Variants in ADD2 observed in about 807,000 individuals in gnomAD.
The protein encoded by ADD2 is beta-adducin.
A neutral mutation model predicts 83.0 loss-of-function variants in ADD2; 23 were observed. That is an observed-to-expected ratio of 0.28 (90% CI 0.20 to 0.39). The LOEUF is 0.39. Among genes scored for constraint, ADD2 ranks in the 10% least tolerant of loss-of-function variants. The pLI, the probability that ADD2 is intolerant of heterozygous loss-of-function variation, is 1.00. For synonymous variants in ADD2, 375 were observed against 375.4 expected (o/e 1.00, Z 0.01); for missense variants, 758 against 944.9 (o/e 0.80, Z 2.59).
chr2:70,680,943 T>C (rs1426988531), intron 10 of ADD2, among the ~76,000 whole-genome samples: 1 of 152,168 alleles, frequency 6.6e-6, no homozygotes, highest in East Asian at 1.9e-4. Context: ...CAAACTAACT[T>C]CAGGAGAAAT....
chr2:70,685,508 C>T (rs1476819565), intron 9 of ADD2, among the ~76,000 whole-genome samples: 1 of 152,218 alleles, frequency 6.6e-6, no homozygotes, highest in Non-Finnish European at 1.5e-5. Flanking sequence ...TTTAAGGGCA[C>T]AGACCTGGGC....
chr2:70,746,802 T>G (rs1674221020), intron 1 of ADD2, among the ~76,000 whole-genome samples: 1 of 152,150 alleles, frequency 6.6e-6, no homozygotes, highest in South Asian at 2.1e-4. Flanking sequence ...ACAGCCCCCA[T>G]GCCTGGCCTT....
At position 70,660,431 on chromosome 2, in the gene ADD2, GC is replaced by G. The variant is rs1294960958; in HGVS notation, c.*2993del. On this transcript the variant is annotated 3_prime_UTR_variant, in exon 16 of 16. Coordinates refer to ENST00000264436, the MANE Select transcript of ADD2 (RefSeq NM_001617.4). ...GTTTTAGTATTGACATTTCAAAAAGGCCTCATAGCTCCCATGCCACCATCCC... is the reference window on the plus strand; with the variant it reads ...GTTTTAGTATTGACATTTCAAAAAGGCTCATAGCTCCCATGCCACCATCCC... The G allele has an allele frequency of 1.3e-5, 2 of 152,330 alleles. No homozygotes were observed. The highest frequency in any genetic ancestry group is 2.9e-5 in the Non-Finnish European group (2 of 68,044). The allele number at this position is 152,330 out of a possible 1,614,324, so 9.4% of individuals were successfully genotyped here.
In ADD2 at chr2:70,663,675, G is replaced by A. The variant is rs376703374; in HGVS notation, c.1931C>T (p.Pro644Leu). Reference sequence around the variant, plus strand: ...CCTCCCGTTGACCACCACCCCTTCCGGCTGGGTTGTTTCGGGCTCTGTGGT... The same window carrying A: ...CCTCCCGTTGACCACCACCCCTTCCAGCTGGGTTGTTTCGGGCTCTGTGGT... ...AATTEPETTQ[P>L]EGVVVNGREE... Residue 644 changes from proline (P) to leucine (L), a missense_variant, in exon 16 of 16, where the codon CCG becomes CTG. Transcript: ENST00000264436. 4.9e-5 allele frequency: 79 copies of A among 1,614,074 alleles called. No homozygotes were observed. The highest frequency in any genetic ancestry group is 2.0e-4 in the Admixed American group (12 of 60,010).
chr2:70,715,846 T>A (rs1488861085), intron 1 of ADD2, among the ~76,000 whole-genome samples: 1 of 151,350 alleles, frequency 6.6e-6, no homozygotes, highest in Non-Finnish European at 1.5e-5. Context: ...ATTTAATTGG[T>A]CACTGAGGTC....
intron 1 of ADD2, among the ~76,000 whole-genome samples, chr2:70,756,878 G>C (rs1377628499): frequency 2.6e-5 from 4 of 152,168 alleles, no homozygotes; most frequent in African/African-American, 4.8e-5. Context: ...GCCCAGGCTG[G>C]AGTGCAATGG....
intron 11 of ADD2, 94 bp from the exon 12 acceptor site, chr2:70,677,971 G>A: frequency 6.5e-7 from 1 of 1,530,140 alleles, no homozygotes; most frequent in Non-Finnish European, 8.9e-7. Context: ...CCAACATCCT[G>A]CATGGAAGGT....
intron 4 of ADD2, 58 bp downstream of exon 4, chr2:70,704,263 T>TGCCCCCCCCCCCCACCCCCCC: frequency 1.1e-6 from 1 of 913,238 alleles, no homozygotes; most frequent in Non-Finnish European, 1.7e-6. Flanking sequence ...CTCCCTCTCT[T>TGCCCCCCCCCCCCACCCCCCC]CCCCACCCCA....
At chr2:70,666,155 G>A (rs1306456195) in intron 15 of ADD2, among the ~76,000 whole-genome samples, 2 of 152,186 alleles carry the variant, frequency 1.3e-5, no homozygotes, top group Non-Finnish European at 2.9e-5. Context: ...CTTCTACACT[G>A]AAATGAATTA....
intron 1 of ADD2, among the ~76,000 whole-genome samples, chr2:70,756,404 C>A (rs1553383864): frequency 6.6e-6 from 1 of 152,166 alleles, no homozygotes; most frequent in African/African-American, 2.4e-5. Flanking sequence ...CCCCAGATAA[C>A]AATTCATGTG....
At chr2:70,684,343 G>C (rs781933255) in intron 9 of ADD2, among the ~76,000 whole-genome samples, 1 of 152,132 alleles carries the variant, frequency 6.6e-6, no homozygotes, top group Non-Finnish European at 1.5e-5. Context: ...AACCTCCCAG[G>C]CTTCAGCTAT....
chr2:70,747,485 TCCATCATGCGTGTGCTCTC>T (rs1674277358), intron 1 of ADD2, among the ~76,000 whole-genome samples: 3 of 146,314 alleles, frequency 2.1e-5, no homozygotes, highest in African/African-American at 7.9e-5. Flanking sequence ...CATGTGCTTT[TCCATCATGCGTGTGCTCTC>T]CCATCATGCC....
intron 2 of ADD2, among the ~76,000 whole-genome samples, chr2:70,711,854 C>G (rs1672194448): frequency 6.6e-6 from 1 of 152,170 alleles, no homozygotes; most frequent in Non-Finnish European, 1.5e-5. Context: ...CATGGGAACT[C>G]CTAAATTTAT....
At position 70,662,562 on chromosome 2, in the gene ADD2, G is replaced by C. The variant is rs1675579845; in HGVS notation, c.*863C>G. 1 of 152,194 alleles carries C rather than the reference G, an allele frequency of 6.6e-6. No homozygotes were observed. Among genetic ancestry groups the C allele is most frequent in the Non-Finnish European group, 1.5e-5 (1 of 68,040 alleles). 9.4% of individuals were successfully genotyped at this position (152,194 alleles called of 1,614,324 possible). A position where few individuals can be genotyped will look rare whatever the true frequency, so the allele number is the denominator to read the frequency against. ...AAGTCAGCATTTCCTCTGTTGTTTT[G>C]ATCCTCCTTATACAACCCAAAGCCA... On this transcript the variant is annotated 3_prime_UTR_variant, in exon 16 of 16. Coordinates refer to ENST00000264436, the MANE Select transcript of ADD2 (RefSeq NM_001617.4).
At chr2:70,760,932 A>C (rs1227400825) in intron 1 of ADD2, among the ~76,000 whole-genome samples, 1 of 152,214 alleles carries the variant, frequency 6.6e-6, no homozygotes, top group Non-Finnish European at 1.5e-5. Flanking sequence ...CAAAAGAATA[A>C]TATTTGGAGT....
At chr2:70,725,134 G>A (rs782085023) in intron 1 of ADD2, among the ~76,000 whole-genome samples, 2 of 152,178 alleles carry the variant, frequency 1.3e-5, no homozygotes, top group Non-Finnish European at 2.9e-5. Context: ...CATCTGTAAA[G>A]CAGAGTGGTA....
intron 1 of ADD2, among the ~76,000 whole-genome samples, chr2:70,716,610 G>A (rs1558555170): frequency 6.6e-6 from 1 of 152,200 alleles, no homozygotes; most frequent in South Asian, 2.1e-4. Context: ...ATAGGGCCTG[G>A]TGCCAGTTAG....
Position 70,700,857 on chromosome 2 carries a change from C to T in ADD2, c.322+3464G>A, listed in dbSNP as rs145611658. On this transcript the variant is annotated intron_variant, in intron 4 of 15. Coordinates refer to ENST00000264436, the MANE Select transcript of ADD2 (RefSeq NM_001617.4). ...GGTTTATTTTACACAAAATATATGACGAAAATTTAACCAAGAAGCAGCAAA... is the reference window on the plus strand; with the variant it reads ...GGTTTATTTTACACAAAATATATGATGAAAATTTAACCAAGAAGCAGCAAA... Among the ~76,000 whole-genome samples the T allele has an allele frequency of 8.4e-3, 1,278 of 151,998 alleles. 12 individuals carry two copies. Among genetic ancestry groups the T allele is most frequent in the African/African-American group, 0.03 (1,224 of 41,484 alleles).
intron 4 of ADD2, among the ~76,000 whole-genome samples, chr2:70,699,426 A>C (rs940202201): frequency 6.6e-6 from 1 of 152,212 alleles, no homozygotes; most frequent in Non-Finnish European, 1.5e-5. Flanking sequence ...AAAATTGGCT[A>C]TCCCATTTCT....
Sources: gnomAD v4.1 joint callset for allele counts (sites outside exome capture counted in the v4.1 genomes callset) on GRCh38, gnomAD v4.1.1 for gene constraint, MANE v1.5 for transcripts, NCBI Gene and HGNC (gene_info 2026-07-23, HGNC 2026-07-21) for gene names.